Variants in RANBP2 observed in about 807,000 individuals in gnomAD.
RANBP2 encodes the protein RAN binding protein 2.
Under a neutral mutation model 303.6 loss-of-function variants are expected in RANBP2, and 57 were observed. The observed-to-expected ratio is 0.19, with a 90% CI of 0.15 to 0.23. The LOEUF is 0.23. Among genes scored for constraint, RANBP2 ranks in the 10% least tolerant of loss-of-function variants. The pLI is 1.00. For missense variants in RANBP2, 3,138 were observed against 3,780.8 expected (o/e 0.83, Z 4.46); for synonymous variants, 1,167 against 1,301.5 (o/e 0.90, Z 2.23).
chr2:109,107,378 C>A, the RANBP2 span, among the ~76,000 whole-genome samples: 5 of 152,098 alleles, frequency 3.3e-5, no homozygotes, highest in Admixed American at 2.0e-4. Context: ...GGAAAGAGAG[C>A]AAAGTAGAGC....
At chr2:108,844,101 AT>A in the RANBP2 span, among the ~76,000 whole-genome samples, 1 of 151,318 alleles carries the variant, frequency 6.6e-6, no homozygotes, top group African/African-American at 2.4e-5. Context: ...GGCTCAAGCG[AT>A]CTTCCATCTT....
At chr2:109,517,981 C>T in the RANBP2 span, among the ~76,000 whole-genome samples, 2 of 152,202 alleles carry the variant, frequency 1.3e-5, no homozygotes, top group African/African-American at 2.4e-5. Context: ...GAGGAGCAGA[C>T]GTGGATGAAA....
the RANBP2 span, among the ~76,000 whole-genome samples, chr2:109,709,084 C>T: frequency 2.6e-5 from 4 of 151,836 alleles, no homozygotes; most frequent in Admixed American, 6.6e-5. Context: ...GGGTGGATCA[C>T]CTGAGGTCAG....
At chr2:109,372,337 G>A in the RANBP2 span, among the ~76,000 whole-genome samples, 4 of 152,224 alleles carry the variant, frequency 2.6e-5, no homozygotes, top group Non-Finnish European at 4.4e-5. Context: ...CTGGGGCTGT[G>A]TGTGTATGTA....
the RANBP2 span, among the ~76,000 whole-genome samples, chr2:108,817,524 C>T: frequency 6.6e-6 from 1 of 152,072 alleles, no homozygotes; most frequent in African/African-American, 2.4e-5. Context: ...ATCTCTCGAC[C>T]TCGTGATCCA....
At chr2:108,824,172 T>A in the RANBP2 span, among the ~76,000 whole-genome samples, 355 of 7,814 alleles carry the variant, frequency 0.045, 1 homozygote, top group East Asian at 0.12. Flanking sequence ...AAAAAAAAAT[T>A]TTTTCTTCAT....
the RANBP2 span, among the ~76,000 whole-genome samples, chr2:109,717,562 A>G: frequency 6.6e-6 from 1 of 151,292 alleles, no homozygotes; most frequent in African/African-American, 2.4e-5. Context: ...AGCCTGGGCA[A>G]CAAGAGCAAA....
the RANBP2 span, among the ~76,000 whole-genome samples, chr2:109,622,101 C>T: frequency 7.9e-5 from 12 of 152,082 alleles, no homozygotes; most frequent in African/African-American, 9.7e-5. Context: ...TATATATACC[C>T]GATGAGGTTT....
At chr2:108,940,629 T>C in the RANBP2 span, among the ~76,000 whole-genome samples, 1 of 152,264 alleles carries the variant, frequency 6.6e-6, no homozygotes, top group Non-Finnish European at 1.5e-5. Context: ...ACAATGTGAA[T>C]GTGGAGTCAC....
chr2:108,736,219 A>T lies in RANBP2; in HGVS notation c.752A>T (p.Asp251Val), dbSNP rs367661282. 1.2e-6 allele frequency: 2 copies of T among 1,611,826 alleles called. No individual in the cohort carries two copies. Among genetic ancestry groups the T allele is most frequent in the African/African-American group, 1.3e-5 (1 of 74,830 alleles). The change falls in exon 6 of 29, where the codon GAT becomes GTT. Residue 251 changes from aspartate to valine, a missense_variant. By Grantham distance (152) the Asp-to-Val change is radical. This residue lies in a region of RANBP2 where 306 missense variants were observed against 381.9 expected (regional missense o/e 0.80). Transcript: ENST00000283195. ...ATGCTTCTTACGCTTTCCACTAGAG[A>T]TGTGCAGGAAAGTAGAGAATTACTG... ...NLMLLTLSTR[D>V]VQESRELLQS...
chr2:109,425,496 T>C, the RANBP2 span, among the ~76,000 whole-genome samples: 1 of 152,158 alleles, frequency 6.6e-6, no homozygotes, highest in Non-Finnish European at 1.5e-5. Flanking sequence ...CAGACTCTCT[T>C]GTTAGGGGCT....
At chr2:109,128,933 C>T in the RANBP2 span, 10 of 384,576 alleles carry the variant, frequency 2.6e-5, no homozygotes, top group South Asian at 1.1e-4. Context: ...GGCACGGCGC[C>T]TCCTTCCCTG....
the RANBP2 span, among the ~76,000 whole-genome samples, chr2:109,459,165 T>C: frequency 6.6e-6 from 1 of 152,118 alleles, no homozygotes; most frequent in Admixed American, 6.6e-5. Flanking sequence ...TCATATCATA[T>C]AAAGTCAGTG....
At position 108,784,124 on chromosome 2, in the gene RANBP2, T is replaced by G. The variant is rs1678450433; in HGVS notation, c.*223T>G. The G allele has an allele frequency of 7.6e-6, 4 of 527,854 alleles. No homozygotes were observed. Among genetic ancestry groups the G allele is most frequent in the Non-Finnish European group, 1.4e-5 (4 of 295,872 alleles). 32.7% of individuals were successfully genotyped at this position (527,854 alleles called of 1,614,324 possible). On this transcript the variant is annotated 3_prime_UTR_variant, in exon 29 of 29. Transcript: ENST00000283195. ...TGGTGTATTTCAGGTGTACTTGTGTTTATGTACTCCTGACGTATTAAAATG... is the reference window on the plus strand; with the variant it reads ...TGGTGTATTTCAGGTGTACTTGTGTGTATGTACTCCTGACGTATTAAAATG...
the RANBP2 span, chr2:108,804,931 GA>G: frequency 1.9e-6 from 3 of 1,570,038 alleles, no homozygotes; most frequent in Non-Finnish European, 1.7e-6. Flanking sequence ...AGTTCTTAAG[GA>G]AAAGAATAAA....
At chr2:108,752,027 C>T (rs537356954) in intron 12 of RANBP2, 33 bp downstream of exon 12, 154 of 1,607,050 alleles carry the variant, frequency 9.6e-5, no homozygotes, top group South Asian at 4.5e-5. Flanking sequence ...TTTTAAAGAA[C>T]ATTACCTTAA....
the RANBP2 span, among the ~76,000 whole-genome samples, chr2:109,049,443 G>C: frequency 1.8e-3 from 275 of 152,268 alleles, 1 homozygote; most frequent in African/African-American, 6.2e-3. Context: ...TTTACGGCGA[G>C]CACTTCTCTG....
the RANBP2 span, among the ~76,000 whole-genome samples, chr2:109,524,820 G>C: frequency 2.0e-5 from 3 of 151,684 alleles, no homozygotes; most frequent in Non-Finnish European, 4.4e-5. Context: ...AATTTTTAAG[G>C]GTTTCTAAAT....
At chr2:108,769,861 A>G (rs1333607532) in intron 20 of RANBP2, among the ~76,000 whole-genome samples, 2 of 152,038 alleles carry the variant, frequency 1.3e-5, no homozygotes, top group East Asian at 3.9e-4. Flanking sequence ...AAGGCCTTCA[A>G]GAACAGGTTA....
Sources: allele counts gnomAD v4.1 joint callset (sites outside exome capture counted in the v4.1 genomes callset), GRCh38; gene constraint gnomAD v4.1.1; regional missense constraint gnomAD v4.1.1; transcripts MANE v1.5; gene names NCBI Gene and HGNC (gene_info 2026-07-23, HGNC 2026-07-21).